Variants in ZFPM1 observed in about 807,000 individuals in gnomAD.
ZFPM1 encodes zinc finger protein ZFPM1.
A neutral mutation model predicts 46.3 loss-of-function variants in ZFPM1; 28 were observed. That is an observed-to-expected ratio of 0.60 (90% CI 0.45 to 0.83). The LOEUF (loss-of-function observed/expected upper bound fraction) is 0.83. ZFPM1 is among the 40% of genes least tolerant of loss of function. The probability of loss-of-function intolerance (pLI) is 0.00; values close to 1 mark genes in which losing one functional copy is unlikely to be tolerated. For missense variants in ZFPM1, 1,878 were observed against 1,432.4 expected, an observed-to-expected ratio of 1.31 and a Z score of -5.02; for synonymous variants, 957 against 675.9, an observed-to-expected ratio of 1.42 and a Z score of -6.45.
At position 88,536,056 on chromosome 16, in the gene ZFPM1, A is replaced by G. The variant is rs1913234074; in HGVS notation, c.*1077A>G. 1.3e-5 allele frequency: 2 copies of G among 152,224 alleles called. No individual in the cohort carries two copies. Among genetic ancestry groups the G allele is most frequent in the African/African-American group, 4.8e-5 (2 of 41,430 alleles). The allele number at this position is 152,224 out of a possible 1,614,324, so 9.4% of individuals were successfully genotyped here. A position where few individuals can be genotyped will look rare whatever the true frequency, so the allele number is the denominator to read the frequency against. On this transcript the variant is annotated 3_prime_UTR_variant, in exon 10 of 10. Transcript: ENST00000319555. ...TTGCAGCCTTGACCTCGTGAGCTCA[A>G]GTGATCTTCCCACCTCAGTTTCCTC...
chr16:88,520,521 G>A (rs986338787), intron 4 of ZFPM1, among the ~76,000 whole-genome samples: 19 of 150,114 alleles, frequency 1.3e-4, no homozygotes, highest in African/African-American at 3.9e-4. Flanking sequence ...TAGATGAATG[G>A]ATGAATGAAT....
chr16:88,516,905 T>C (rs1158349906), intron 4 of ZFPM1, among the ~76,000 whole-genome samples: 1 of 152,124 alleles, frequency 6.6e-6, no homozygotes, highest in Non-Finnish European at 1.5e-5. Flanking sequence ...ACAGGGTGGC[T>C]TCCCCCTCGG....
chr16:88,495,732 G>T (rs1409339626), intron 3 of ZFPM1, among the ~76,000 whole-genome samples: 1 of 152,212 alleles, frequency 6.6e-6, no homozygotes, highest in Admixed American at 6.5e-5. Flanking sequence ...AGGGAAGCCG[G>T]GGCTCTATGG....
intron 2 of ZFPM1, among the ~76,000 whole-genome samples, chr16:88,488,100 G>C (rs922215792): frequency 6.6e-6 from 1 of 152,228 alleles, no homozygotes; most frequent in Non-Finnish European, 1.5e-5. Context: ...AGCACGTGTA[G>C]CACATGTGGA....
Position 88,534,450 on chromosome 16 carries a change from C to G in ZFPM1, c.2492C>G (p.Ala831Gly). 2.0e-6 allele frequency: 3 copies of G among 1,497,500 alleles called. No homozygotes were observed. The highest frequency in any genetic ancestry group is 2.7e-6 in the Non-Finnish European group (3 of 1,130,528). The allele number at this position is 1,497,500 out of a possible 1,614,324, so 92.8% of individuals were successfully genotyped here. Residue 831 changes from alanine (A) to glycine (G), a missense_variant, in exon 10 of 10, where the codon GCC becomes GGC. Coordinates refer to ENST00000319555, the MANE Select transcript of ZFPM1 (RefSeq NM_153813.3). ...CGCGTGAGCTTCCACAGCCTCGAGG[C>G]CTACCTGGCGCACAAGAAGTACTCG... ...ACRVSFHSLE[A>G]YLAHKKYSCP...
rs1054532276 is a variant in ZFPM1, at chr16:88,536,620, C to G, written c.*1641C>G. 1 of 152,356 alleles carries G rather than the reference C, an allele frequency of 6.6e-6. No individual in the cohort carries two copies. Among genetic ancestry groups the G allele is most frequent in the Non-Finnish European group, 1.5e-5 (1 of 68,120 alleles). 9.4% of individuals were successfully genotyped at this position (152,356 alleles called of 1,614,324 possible). A position where few individuals can be genotyped will look rare whatever the true frequency, so the allele number is the denominator to read the frequency against. On this transcript the variant is annotated 3_prime_UTR_variant, in exon 10 of 10. Coordinates refer to ENST00000319555, the MANE Select transcript of ZFPM1 (RefSeq NM_153813.3). Reference sequence around the variant, plus strand: ...CCAGGGCTCGCTCTCCTGCCCGCAGCTCGTGGGCCTGGGTCTGCAGCGCTT... The same window carrying G: ...CCAGGGCTCGCTCTCCTGCCCGCAGGTCGTGGGCCTGGGTCTGCAGCGCTT...
chr16:88,532,722 G>C lies in ZFPM1; in HGVS notation c.1042+13G>C, dbSNP rs781100718. The C allele has an allele frequency of 2.5e-6, 4 of 1,612,158 alleles. No individual in the cohort carries two copies. The highest frequency in any genetic ancestry group is 1.1e-5 in the South Asian group (1 of 91,026). On this transcript the variant is annotated intron_variant, in intron 8 of 9. Coordinates refer to ENST00000319555, the MANE Select transcript of ZFPM1 (RefSeq NM_153813.3). ...GACACGCTGAGCGGTAGGCACCGCA[G>C]GGGCCGGGGGGTGTGTGGGTCCCGC...
intron 4 of ZFPM1, among the ~76,000 whole-genome samples, chr16:88,523,246 C>T (rs1223305530): frequency 6.6e-6 from 1 of 152,070 alleles, no homozygotes; most frequent in Non-Finnish European, 1.5e-5. Context: ...CCCTTGCTCC[C>T]CAGTGCCCAC....
At chr16:88,526,610 C>G (rs1046498205) in intron 4 of ZFPM1, among the ~76,000 whole-genome samples, 2 of 152,224 alleles carry the variant, frequency 1.3e-5, no homozygotes, top group Admixed American at 6.5e-5. Flanking sequence ...AGCCCCAGCA[C>G]GGTGTTAGCC....
At position 88,461,359 on chromosome 16, in the gene ZFPM1, T is replaced by G. The variant is rs144180068; in HGVS notation, c.40+7681T>G. ...ACCGCAGGGGCTTTGCCCCGCCACC[T>G]GGGCTGCACCCTCAGGGCTCCGGGT... is the stretch of plus-strand genomic sequence containing the variant. On this transcript the variant is annotated intron_variant, in intron 1 of 9. Transcript: ENST00000319555. Among the ~76,000 whole-genome samples the G allele has an allele frequency of 4.2e-3, 639 of 152,184 alleles. 6 individuals are homozygous for G. Among genetic ancestry groups the G allele is most frequent in the African/African-American group, 0.015 (615 of 41,518 alleles).
chr16:88,528,076 G>T lies in ZFPM1; in HGVS notation c.550G>T (p.Gly184Ter). The change falls in exon 6 of 10, where the codon GGA becomes TGA. Residue 184 changes from glycine (G) to a stop codon, truncating the protein, a stop_gained. Transcript: ENST00000319555. LOFTEE classifies it high-confidence loss of function. ...CRVTKPVPAG[G>*]LLSVLLTAEP... ...GGTCACCAAGCCGGTGCCTGCGGGG[G>T]GACTCCTGAGCGTGCTCCTCACGGC... 6.4e-7 allele frequency: 1 copy of T among 1,566,426 alleles called. No individual in the cohort carries two copies. Among genetic ancestry groups the T allele is most frequent in the Non-Finnish European group, 8.7e-7 (1 of 1,155,968 alleles).
chr16:88,494,151 C>G (rs1174880080), intron 3 of ZFPM1, among the ~76,000 whole-genome samples: 1 of 152,124 alleles, frequency 6.6e-6, no homozygotes, highest in African/African-American at 2.4e-5. Context: ...TCGGCTGCCC[C>G]GGGGCGGCCT....
intron 1 of ZFPM1, among the ~76,000 whole-genome samples, chr16:88,470,466 G>A (rs974929595): frequency 1.3e-5 from 2 of 152,236 alleles, no homozygotes; most frequent in African/African-American, 4.8e-5. Context: ...GGAGGCTGTT[G>A]TTGGGGGACT....
chr16:88,494,227 A>T (rs755798065), intron 3 of ZFPM1, among the ~76,000 whole-genome samples: 7 of 151,512 alleles, frequency 4.6e-5, no homozygotes, highest in Non-Finnish European at 5.9e-5. Flanking sequence ...GCAACCTGGA[A>T]CTCCCCTTTC....
chr16:88,536,709 C>A lies in ZFPM1; in HGVS notation c.*1730C>A, dbSNP rs1166763724. On this transcript the variant is annotated 3_prime_UTR_variant, in exon 10 of 10. Coordinates refer to ENST00000319555, the MANE Select transcript of ZFPM1 (RefSeq NM_153813.3). ...GGTCTGGCCAGATGGGGCCCGTAGC[C>A]AAGGCCAATGGACAGACATGGCTTC... 1.3e-5 allele frequency: 2 copies of A among 152,310 alleles called. No homozygotes were observed. The highest frequency in any genetic ancestry group is 2.9e-5 in the Non-Finnish European group (2 of 68,088). The allele number at this position is 152,310 out of a possible 1,614,324, so 9.4% of individuals were successfully genotyped here.
Position 88,532,680 on chromosome 16 carries a change from ACCT to A in ZFPM1, c.1015_1017del (p.Leu339del). On this transcript the variant is annotated inframe_deletion, in exon 8 of 10. Coordinates refer to ENST00000319555, the MANE Select transcript of ZFPM1 (RefSeq NM_153813.3). The stretch of plus-strand genomic sequence containing the variant: ...ACCACCAAGGCCAACTGCGAGCGGC[ACCT>A]CAAGGTGCACACGGACACGCTGAGC... 1.2e-6 allele frequency: 2 copies of A among 1,607,880 alleles called. No individual in the cohort carries two copies. The highest frequency in any genetic ancestry group is 1.7e-6 in the Non-Finnish European group (2 of 1,177,548).
intron 4 of ZFPM1, among the ~76,000 whole-genome samples, chr16:88,519,861 G>C (rs1050631816): frequency 1.3e-5 from 2 of 151,676 alleles, no homozygotes; most frequent in Non-Finnish European, 2.9e-5. Context: ...ATGTGTGGAT[G>C]GGTGGGTAGA....
At chr16:88,521,744 CACCCTGTGCTGTT>C (rs1911912480) in intron 4 of ZFPM1, among the ~76,000 whole-genome samples, 1 of 97,774 alleles carries the variant, frequency 1.0e-5, no homozygotes, top group Admixed American at 1.0e-4. Flanking sequence ...GCTGTTCCCA[CACCCTGTGCTGTT>C]CCCTCCCCTG....
chr16:88,454,510 C>G (rs1277185827), intron 1 of ZFPM1, among the ~76,000 whole-genome samples: 1 of 152,208 alleles, frequency 6.6e-6, no homozygotes, highest in East Asian at 1.9e-4. Flanking sequence ...AGGACGCAGC[C>G]CCGGGCCGGG....
Sources: gnomAD v4.1 joint callset for allele counts (sites outside exome capture counted in the v4.1 genomes callset) on GRCh38, gnomAD v4.1.1 for gene constraint, MANE v1.5 for transcripts, NCBI Gene and HGNC (gene_info 2026-07-23, HGNC 2026-07-21) for gene names.